Variants in VWA8 observed in about 807,000 individuals in gnomAD.
The protein encoded by VWA8 is von Willebrand factor A domain-containing protein 8.
In VWA8, 221 loss-of-function variants were observed where a neutral mutation model predicts 241.5. The observed-to-expected ratio is 0.91, with a 90% confidence interval of 0.82 to 1.02. VWA8 has a LOEUF of 1.02. Ranked by LOEUF, VWA8 falls within the 50% of genes least tolerant of loss-of-function variation. VWA8 has a pLI of 0.00. For synonymous variants in VWA8, 852 were observed against 827.1 expected, an observed-to-expected ratio of 1.03 and a Z score of -0.52; for missense variants, 2,322 against 2,328.7, an observed-to-expected ratio of 1.00 and a Z score of 0.06.
intron 19 of VWA8, among the ~76,000 whole-genome samples, chr13:41,781,960 G>A (rs935047900): frequency 3.9e-5 from 6 of 152,178 alleles, no homozygotes; most frequent in African/African-American, 1.4e-4. Context: ...TGATACAGAA[G>A]CACCTAAATC....
chr13:41,728,491 T>C (rs2137859764), intron 23 of VWA8, among the ~76,000 whole-genome samples: 1 of 152,158 alleles, frequency 6.6e-6, no homozygotes, highest in Non-Finnish European at 1.5e-5. Flanking sequence ...TCAGAGAATG[T>C]AGAGGGTTGC....
chr13:41,666,410 C>T (rs893555830), intron 37 of VWA8, among the ~76,000 whole-genome samples: 38 of 152,150 alleles, frequency 2.5e-4, no homozygotes, highest in African/African-American at 8.7e-4. Context: ...CATCTTACTG[C>T]CTCATTTCTG....
chr13:41,916,311 G>A (rs997620502), intron 2 of VWA8, among the ~76,000 whole-genome samples: 11 of 152,304 alleles, frequency 7.2e-5, no homozygotes, highest in Admixed American at 1.3e-4. Context: ...AGTTGTTTAA[G>A]TCCAAAACTT....
At chr13:41,865,650 C>T (rs1426737984) in intron 12 of VWA8, 86 bp downstream of exon 12, 3 of 1,446,578 alleles carry the variant, frequency 2.1e-6, no homozygotes, top group African/African-American at 2.9e-5. Context: ...AAACACAGGT[C>T]ATAACAAGAA....
In VWA8 at chr13:41,587,585, C is replaced by CT; in HGVS notation, c.5197_5198insA (p.Gly1733GlufsTer4). ...AGCCTCCATTGTGCGCTCAAGCCGG[C>CT]CATCCATCCTGTTGAAACGGTACAT... On this transcript the variant is annotated frameshift_variant, in exon 42 of 45. Coordinates refer to ENST00000379310, the MANE Select transcript of VWA8 (RefSeq NM_015058.2). LOFTEE classifies it high-confidence loss of function. 1 of 1,614,216 alleles carries CT rather than the reference C, an allele frequency of 6.2e-7. No individual in the cohort carries two copies. Among genetic ancestry groups the CT allele is most frequent in the Non-Finnish European group, 8.5e-7 (1 of 1,180,042 alleles).
intron 37 of VWA8, among the ~76,000 whole-genome samples, chr13:41,644,120 AT>A (rs376475055): frequency 2.6e-5 from 4 of 151,514 alleles, no homozygotes; most frequent in Non-Finnish European, 4.4e-5. Context: ...GACTACCCAG[AT>A]TTTTTTTTAA....
At chr13:41,688,727 C>CA (rs1408012291) in intron 34 of VWA8, among the ~76,000 whole-genome samples, 2 of 151,998 alleles carry the variant, frequency 1.3e-5, no homozygotes, top group Non-Finnish European at 2.9e-5. Context: ...TACACAGGAA[C>CA]AAAAAACCAA....
chr13:41,629,107 A>C (rs540702230), intron 37 of VWA8, among the ~76,000 whole-genome samples: 4,788 of 152,178 alleles, frequency 0.031, 77 homozygotes, highest in South Asian at 0.063. Flanking sequence ...ACCAGGGCCA[A>C]CTGAGGGTGG....
intron 14 of VWA8, among the ~76,000 whole-genome samples, chr13:41,829,557 A>G (rs1336178927): frequency 4.8e-5 from 7 of 145,474 alleles, no homozygotes; most frequent in Non-Finnish European, 7.7e-5. Context: ...ACACACACAC[A>G]CACACACACA....
intron 16 of VWA8, among the ~76,000 whole-genome samples, chr13:41,815,195 AC>A (rs1435412957): frequency 1.3e-5 from 2 of 152,148 alleles, no homozygotes; most frequent in Non-Finnish European, 2.9e-5. Context: ...CAAAGACACC[AC>A]TGTAGCTAAA....
intron 9 of VWA8, among the ~76,000 whole-genome samples, chr13:41,877,591 C>T (rs183288136): frequency 1.3e-5 from 2 of 152,062 alleles, no homozygotes; most frequent in African/African-American, 2.4e-5. Context: ...AATAAAAATA[C>T]TAAATGTAAG....
At chr13:41,569,319 G>A (rs1013537826) in intron 44 of VWA8, among the ~76,000 whole-genome samples, 14 of 152,236 alleles carry the variant, frequency 9.2e-5, no homozygotes, top group Non-Finnish European at 1.5e-4. Context: ...TGTTGAGCTT[G>A]TTGTCTGCCT....
chr13:41,898,839 T>A (rs1261774293), intron 4 of VWA8, among the ~76,000 whole-genome samples: 2 of 151,324 alleles, frequency 1.3e-5, no homozygotes, highest in Admixed American at 1.3e-4. Context: ...AGTCCCTCAT[T>A]GCCCGGGGCC....
At chr13:41,777,234 T>C (rs1041161763) in intron 20 of VWA8, among the ~76,000 whole-genome samples, 1 of 152,090 alleles carries the variant, frequency 6.6e-6, no homozygotes, top group Admixed American at 6.5e-5. Flanking sequence ...AAGACAGTCA[T>C]ATGGTATGAC....
At chr13:41,636,783 A>ACATTTAT (rs1454589895) in intron 37 of VWA8, among the ~76,000 whole-genome samples, 2 of 152,370 alleles carry the variant, frequency 1.3e-5, no homozygotes, top group Middle Eastern at 3.4e-3. Flanking sequence ...TCAGAAGAAG[A>ACATTTAT]CATTTATGCA....
intron 21 of VWA8, among the ~76,000 whole-genome samples, chr13:41,740,422 A>T (rs1380293624): frequency 6.6e-6 from 1 of 152,202 alleles, no homozygotes; most frequent in Non-Finnish European, 1.5e-5. Context: ...AGCAGCAAGG[A>T]GCTGTTGTCC....
intron 9 of VWA8, among the ~76,000 whole-genome samples, chr13:41,873,992 A>G (rs1254531530): frequency 6.6e-6 from 1 of 152,334 alleles, no homozygotes; most frequent in South Asian, 2.1e-4. Flanking sequence ...CACCATGATC[A>G]AGTGGGCTTC....
chr13:41,741,553 T>G (rs146775345), intron 21 of VWA8, among the ~76,000 whole-genome samples: 182 of 152,326 alleles, frequency 1.2e-3, no homozygotes, highest in African/African-American at 4.2e-3. Flanking sequence ...CACATGAGTA[T>G]CTCCTTGACA....
intron 2 of VWA8, among the ~76,000 whole-genome samples, chr13:41,941,879 T>C (rs977090184): frequency 2.6e-5 from 4 of 152,208 alleles, no homozygotes; most frequent in African/African-American, 7.2e-5. Context: ...TGCTAGAAAG[T>C]AGTACAGCCA....
Sources: allele counts gnomAD v4.1 joint callset (sites outside exome capture counted in the v4.1 genomes callset), GRCh38; gene constraint gnomAD v4.1.1; transcripts MANE v1.5; gene names NCBI Gene and HGNC (gene_info 2026-07-23, HGNC 2026-07-21).